Variants in GRM8 observed in about 807,000 individuals in gnomAD.
GRM8 encodes metabotropic glutamate receptor 8.
A neutral mutation model predicts 87.2 loss-of-function variants in GRM8; 47 were observed. The ratio of observed to expected loss-of-function variants is 0.54; its 90% CI spans 0.43 to 0.69. GRM8 has a LOEUF of 0.69. Ranked by LOEUF, GRM8 falls within the 30% of genes least tolerant of loss-of-function variation. The pLI, the probability that GRM8 is intolerant of heterozygous loss-of-function variation, is 0.00. For synonymous variants in GRM8, 396 were observed against 404.5 expected, an observed-to-expected ratio of 0.98 and a Z score of 0.25; for missense variants, 1,019 against 1,139.2, an observed-to-expected ratio of 0.89 and a Z score of 1.52.
chr7:126,646,442 C>T (rs1012727144), intron 7 of GRM8, among the ~76,000 whole-genome samples: 2 of 152,186 alleles, frequency 1.3e-5, no homozygotes, highest in Non-Finnish European at 1.5e-5. Context: ...TCTCCACTCA[C>T]TAACCCATCT....
chr7:127,223,506 T>C (rs62468890), intron 2 of GRM8, among the ~76,000 whole-genome samples: 5,220 of 142,392 alleles, frequency 0.037, 107 homozygotes, highest in South Asian at 0.084. Flanking sequence ...GACCCACCCA[T>C]ACAAGCAAAG....
chr7:126,688,157 T>C (rs1054879774), intron 7 of GRM8, among the ~76,000 whole-genome samples: 6 of 152,154 alleles, frequency 3.9e-5, no homozygotes, highest in African/African-American at 2.4e-5. Flanking sequence ...AAATAAAACC[T>C]TTGTGCCAGG....
intron 7 of GRM8, among the ~76,000 whole-genome samples, chr7:126,725,462 C>A (rs1454555318): frequency 2.0e-5 from 3 of 152,144 alleles, no homozygotes; most frequent in African/African-American, 7.2e-5. Flanking sequence ...GGAAGGAATA[C>A]AGAATAATCC....
intron 7 of GRM8, among the ~76,000 whole-genome samples, chr7:126,640,929 A>C (rs1213564702): frequency 1.3e-5 from 2 of 152,156 alleles, no homozygotes; most frequent in Non-Finnish European, 2.9e-5. Flanking sequence ...GTAATATGTC[A>C]TTAAAAAGTG....
chr7:126,846,368 A>G (rs2130660104), intron 6 of GRM8, among the ~76,000 whole-genome samples: 1 of 152,342 alleles, frequency 6.6e-6, no homozygotes, highest in Non-Finnish European at 1.5e-5. Flanking sequence ...TGAGGTGACA[A>G]AATCATTTCC....
At chr7:126,469,538 G>T (rs1804905339) in intron 9 of GRM8, among the ~76,000 whole-genome samples, 1 of 152,072 alleles carries the variant, frequency 6.6e-6, no homozygotes, top group African/African-American at 2.4e-5. Flanking sequence ...TCATGAGGGT[G>T]GTTACCTCCA....
At chr7:126,603,996 A>T (rs1475007624) in intron 8 of GRM8, among the ~76,000 whole-genome samples, 2 of 70,182 alleles carry the variant, frequency 2.8e-5, no homozygotes, top group East Asian at 6.0e-4. Context: ...TTTTTGCATT[A>T]AAAAAAAACA....
At chr7:127,024,600 A>G (rs941165250) in intron 3 of GRM8, among the ~76,000 whole-genome samples, 3 of 152,062 alleles carry the variant, frequency 2.0e-5, no homozygotes, top group African/African-American at 7.2e-5. Context: ...AACCCTCCAG[A>G]GACTTCACAC....
intron 7 of GRM8, among the ~76,000 whole-genome samples, chr7:126,671,356 G>C (rs1185263844): frequency 1.3e-5 from 2 of 152,130 alleles, no homozygotes; most frequent in African/African-American, 2.4e-5. Context: ...CAATTCAAAA[G>C]GCCTATGTAG....
At chr7:126,856,441 G>T (rs1252768289) in intron 6 of GRM8, among the ~76,000 whole-genome samples, 2 of 151,976 alleles carry the variant, frequency 1.3e-5, no homozygotes, top group African/African-American at 2.4e-5. Context: ...AATTTATAGG[G>T]GAAACAGTAC....
chr7:126,485,765 G>A (rs529783333), intron 9 of GRM8, among the ~76,000 whole-genome samples: 1 of 151,990 alleles, frequency 6.6e-6, no homozygotes, highest in East Asian at 2.0e-4. Flanking sequence ...CTTGGCCAAA[G>A]GGACCCCAGA....
chr7:126,994,531 G>A (rs934985351), intron 3 of GRM8, among the ~76,000 whole-genome samples: 2 of 152,156 alleles, frequency 1.3e-5, no homozygotes, highest in Non-Finnish European at 2.9e-5. Flanking sequence ...GTGAGCCCCA[G>A]GCCTGGCAGC....
chr7:126,806,671 C>T (rs1469920013), intron 6 of GRM8, among the ~76,000 whole-genome samples: 1 of 152,242 alleles, frequency 6.6e-6, no homozygotes, highest in East Asian at 1.9e-4. Flanking sequence ...ATCCCAGAAA[C>T]CCAGCCGGCT....
chr7:126,914,894 C>A (rs1434135318), intron 3 of GRM8, among the ~76,000 whole-genome samples: 1 of 152,132 alleles, frequency 6.6e-6, no homozygotes, highest in Non-Finnish European at 1.5e-5. Flanking sequence ...AACAAACCTG[C>A]TCATGTACCC....
intron 2 of GRM8, among the ~76,000 whole-genome samples, chr7:127,132,552 T>C (rs1412971570): frequency 6.6e-6 from 1 of 152,036 alleles, no homozygotes; most frequent in Non-Finnish European, 1.5e-5. Context: ...TGACAGGAGC[T>C]AATGAAAGCG....
intron 7 of GRM8, among the ~76,000 whole-genome samples, chr7:126,616,132 A>T (rs1300290143): frequency 4.0e-5 from 6 of 151,870 alleles, no homozygotes; most frequent in Non-Finnish European, 5.9e-5. Flanking sequence ...GAAGTAAAGC[A>T]CTCCTCAGCA....
chr7:126,780,063 T>A (rs1447861669), intron 6 of GRM8, among the ~76,000 whole-genome samples: 1 of 152,230 alleles, frequency 6.6e-6, no homozygotes, highest in Non-Finnish European at 1.5e-5. Context: ...TAACCTTCTA[T>A]AACATACAAC....
At chr7:127,027,030 T>A (rs939162788) in intron 3 of GRM8, among the ~76,000 whole-genome samples, 1 of 152,206 alleles carries the variant, frequency 6.6e-6, no homozygotes, top group Non-Finnish European at 1.5e-5. Context: ...AAGGAAGGAA[T>A]CCAGTTTCAG....
intron 3 of GRM8, among the ~76,000 whole-genome samples, chr7:126,987,280 G>C (rs943343174): frequency 6.6e-6 from 1 of 152,124 alleles, no homozygotes; most frequent in South Asian, 2.1e-4. Flanking sequence ...CTATGTGGCT[G>C]CTCCCACACA....
Sources: gnomAD v4.1 joint callset for allele counts (sites outside exome capture counted in the v4.1 genomes callset) on GRCh38, gnomAD v4.1.1 for gene constraint, MANE v1.5 for transcripts, NCBI Gene and HGNC (gene_info 2026-07-23, HGNC 2026-07-21) for gene names.